LANCL2: variants seen among roughly 807,000 people sequenced by gnomAD.
LANCL2 encodes LanC like glutathione S-transferase 2.
LANCL2 carries 33 observed loss-of-function variants against 56.9 expected under a neutral mutation model. The ratio of observed to expected loss-of-function variants is 0.58; its 90% confidence interval spans 0.44 to 0.78. The LOEUF is 0.78. LANCL2 is among the 30% of genes least tolerant of loss of function. The probability of loss-of-function intolerance (pLI) is 0.00; values close to 1 mark genes in which losing one functional copy is unlikely to be tolerated. For missense variants in LANCL2, 562 were observed against 580.2 expected, an observed-to-expected ratio of 0.97 and a Z score of 0.32; for synonymous variants, 233 against 228.2, an observed-to-expected ratio of 1.02 and a Z score of -0.19.
chr7:55,370,734 C>T (rs1465205982), intron 1 of LANCL2, among the ~76,000 whole-genome samples: 1 of 152,024 alleles, frequency 6.6e-6, no homozygotes, highest in African/African-American at 2.4e-5. Flanking sequence ...TTAGGGAACT[C>T]CATGAGCAAG....
At chr7:55,380,811 G>A (rs1393967018) in intron 1 of LANCL2, among the ~76,000 whole-genome samples, 2 of 151,594 alleles carry the variant, frequency 1.3e-5, no homozygotes, top group Non-Finnish European at 2.9e-5. Context: ...TATGATTGGA[G>A]GAGGAGGGAG....
chr7:55,403,393 G>A (rs1343999630), intron 5 of LANCL2, among the ~76,000 whole-genome samples: 1 of 152,120 alleles, frequency 6.6e-6, no homozygotes, highest in Non-Finnish European at 1.5e-5. Context: ...GATGGCAGCA[G>A]TACAGTCCAG....
Position 55,425,330 on chromosome 7 carries a change from A to G in LANCL2, c.1085A>G (p.Lys362Arg), listed in dbSNP as rs1790652929. 6.2e-7 allele frequency: 1 copy of G among 1,614,186 alleles called. No homozygotes were observed. The highest frequency in any genetic ancestry group is 8.5e-7 in the Non-Finnish European group (1 of 1,180,040). ...ATTTGGCAGCGAGGTTTGCTGCGGAAGGGCTACGGGATATGCCATGGGACT... is the reference window on the plus strand; with the variant it reads ...ATTTGGCAGCGAGGTTTGCTGCGGAGGGGCTACGGGATATGCCATGGGACT... ...DVIWQRGLLRKGYGICHGTAG... is the reference protein window; with the variant it reads ...DVIWQRGLLRRGYGICHGTAG... The change falls in exon 7 of 9, where the codon AAG becomes AGG. Residue 362 changes from lysine to arginine, a missense_variant. By Grantham distance (26) the Lys-to-Arg change is conservative. Coordinates refer to ENST00000254770, the MANE Select transcript of LANCL2 (RefSeq NM_018697.4).
At position 55,425,260 on chromosome 7, in the gene LANCL2, AAGG is replaced by A. The variant is rs757658653; in HGVS notation, c.1021_1023del (p.Glu341del). 9 of 1,613,240 alleles carry A rather than the reference AAGG, an allele frequency of 5.6e-6. No homozygotes were observed. The highest frequency in any genetic ancestry group is 2.2e-5 in the East Asian group (1 of 44,874). On this transcript the variant is annotated inframe_deletion, in exon 7 of 9. Transcript: ENST00000254770. ...TTGTTTTTAATTTGCCCAGGTCTTT[AAGG>A]AGGAGAAGTACTTGAAAGAGGCCAT...
intron 8 of LANCL2, among the ~76,000 whole-genome samples, chr7:55,429,377 A>G (rs1173554187): frequency 6.6e-6 from 1 of 152,174 alleles, no homozygotes; most frequent in Non-Finnish European, 1.5e-5. Flanking sequence ...CAAGTTATCT[A>G]TTTCATATTG....
At chr7:55,402,133 C>T (rs1790337669) in intron 5 of LANCL2, among the ~76,000 whole-genome samples, 4 of 146,290 alleles carry the variant, frequency 2.7e-5, no homozygotes, top group Admixed American at 2.7e-4. Flanking sequence ...CAGAGGCGCC[C>T]CTCACCTCCC....
chr7:55,423,036 G>GC (rs1333462951), intron 6 of LANCL2, among the ~76,000 whole-genome samples: 2 of 152,170 alleles, frequency 1.3e-5, no homozygotes, highest in Non-Finnish European at 2.9e-5. Context: ...GTCCTGTACT[G>GC]CCCAGGGAAA....
intron 1 of LANCL2, among the ~76,000 whole-genome samples, chr7:55,379,106 C>T (rs890503987): frequency 5.9e-5 from 9 of 152,268 alleles, no homozygotes; most frequent in East Asian, 1.9e-4. Context: ...ACCAAGATCA[C>T]GCCACTGCAC....
chr7:55,400,084 T>C lies in LANCL2; in HGVS notation c.658T>C (p.Cys220Arg). The change falls in exon 4 of 9, where the codon TGT becomes CGT. Residue 220 changes from cysteine (C) to arginine (R), a missense_variant. By Grantham distance (180) the Cys-to-Arg change is radical. Transcript: ENST00000254770. ...CACAGAGATAGGTCCAGGCACCGTGTGTGAGTCAGCTATTAAAGAGGTACT... is the reference window on the plus strand; with the variant it reads ...CACAGAGATAGGTCCAGGCACCGTGCGTGAGTCAGCTATTAAAGAGGTACT... ...LNTEIGPGTV[C>R]ESAIKEVVNA... is the part of the protein sequence containing the mutation. The C allele has an allele frequency of 6.2e-7, 1 of 1,608,550 alleles. No homozygotes were observed. Among genetic ancestry groups the C allele is most frequent in the South Asian group, 1.1e-5 (1 of 90,206 alleles).
chr7:55,408,584 G>A (rs1231293327), intron 5 of LANCL2, among the ~76,000 whole-genome samples: 15 of 151,832 alleles, frequency 9.9e-5, no homozygotes, highest in African/African-American at 2.4e-5. Context: ...CAGGAGAATC[G>A]CTCGAACCCG....
At position 55,389,307 on chromosome 7, in the gene LANCL2, G is replaced by T. The variant is rs190059193; in HGVS notation, c.205-2486G>T. On this transcript the variant is annotated intron_variant, in intron 1 of 8. Coordinates refer to ENST00000254770, the MANE Select transcript of LANCL2 (RefSeq NM_018697.4). ...GTCACTCGGGGTTGACTGAACTGCA[G>T]TTTCTCTTAGGTCATCCTGCCAATG... is the stretch of plus-strand genomic sequence containing the variant. 2.5e-3 allele frequency among the ~76,000 whole-genome samples: 383 copies of T among 152,300 alleles called. 5 individuals carry two copies. Among genetic ancestry groups the T allele is most frequent in the Admixed American group, 0.021 (321 of 15,294 alleles).
At chr7:55,390,870 C>G (rs1037702151) in intron 1 of LANCL2, among the ~76,000 whole-genome samples, 2 of 152,002 alleles carry the variant, frequency 1.3e-5, no homozygotes, top group African/African-American at 4.8e-5. Context: ...TTTGGAGAGA[C>G]TGCCAACAAT....
chr7:55,396,692 C>T (rs1388739917), intron 2 of LANCL2, among the ~76,000 whole-genome samples: 1 of 143,734 alleles, frequency 7.0e-6, no homozygotes. Flanking sequence ...CAACAAAAAA[C>T]GACAAAGCAT....
chr7:55,377,591 A>G (rs1352337526), intron 1 of LANCL2, among the ~76,000 whole-genome samples: 2 of 152,234 alleles, frequency 1.3e-5, no homozygotes, highest in African/African-American at 2.4e-5. Context: ...AAATCTTGCC[A>G]TAAATGTGCC....
intron 5 of LANCL2, among the ~76,000 whole-genome samples, chr7:55,404,847 C>G (rs1790386997): frequency 6.6e-6 from 1 of 152,172 alleles, no homozygotes; most frequent in Admixed American, 6.5e-5. Context: ...CTCCTGACCT[C>G]TGGTGATCCA....
intron 7 of LANCL2, chr7:55,428,148 C>T (rs2128996844): frequency 1.7e-6 from 1 of 575,688 alleles, no homozygotes; most frequent in South Asian, 2.2e-5. Flanking sequence ...CTCGGACTTC[C>T]CAGCAGCTGT....
At position 55,411,954 on chromosome 7, in the gene LANCL2, C is replaced by T. The variant is rs750809193; in HGVS notation, c.873C>T (p.Pro291=). ...AAACCTTGACAGAAATGGTGAAACC[C>T]AGTATTGATTATGTGCGCCACAAAA... is the stretch of plus-strand genomic sequence containing the variant. The part of the protein sequence containing the change: ...DQETLTEMVK[P]SIDYVRHKKF... Residue 291 remains proline, a synonymous_variant, in exon 6 of 9, where the codon CCC becomes CCT. Coordinates refer to ENST00000254770, the MANE Select transcript of LANCL2 (RefSeq NM_018697.4). 3 of 1,614,032 alleles carry T rather than the reference C, an allele frequency of 1.9e-6. No individual in the cohort carries two copies. Among genetic ancestry groups the T allele is most frequent in the African/African-American group, 2.7e-5 (2 of 74,926 alleles).
chr7:55,427,661 GA>G (rs1339952220), intron 7 of LANCL2, among the ~76,000 whole-genome samples: 1 of 152,216 alleles, frequency 6.6e-6, no homozygotes. Context: ...ATTGGGAGGG[GA>G]AAAGCAGAGT....
At chr7:55,376,646 C>G (rs116391596) in intron 1 of LANCL2, among the ~76,000 whole-genome samples, 1,838 of 152,318 alleles carry the variant, frequency 0.012, 36 homozygotes, top group African/African-American at 0.042. Context: ...GAATGCCTTC[C>G]ACAAGGGTGA....
Sources: allele counts gnomAD v4.1 joint callset (sites outside exome capture counted in the v4.1 genomes callset), GRCh38; gene constraint gnomAD v4.1.1; transcripts MANE v1.5; gene names NCBI Gene and HGNC (gene_info 2026-07-23, HGNC 2026-07-21).